The following SORL1 variants were observed in gnomAD, a reference collection of about 807,000 sequenced individuals.
The protein encoded by SORL1 is sortilin-related receptor.
In SORL1, 127 loss-of-function variants were observed where a neutral mutation model predicts 273.7. That is an observed-to-expected ratio of 0.46 (90% confidence interval 0.40 to 0.54). The LOEUF (loss-of-function observed/expected upper bound fraction) is 0.54, where lower values mean the gene tolerates loss of function less well. Ranked by LOEUF, SORL1 falls within the 20% of genes least tolerant of loss-of-function variation. The pLI, the probability that SORL1 is intolerant of heterozygous loss-of-function variation, is 0.00. For missense variants in SORL1, 2,494 were observed against 2,846.1 expected, an observed-to-expected ratio of 0.88 and a Z score of 2.81; for synonymous variants, 1,031 against 1,067.4, an observed-to-expected ratio of 0.97 and a Z score of 0.66.
At position 121,468,011 on chromosome 11, in the gene SORL1, G is replaced by A. The variant is rs145379214; in HGVS notation, c.286-1996G>A. Among the ~76,000 whole-genome samples, 1,481 of 152,322 alleles carry A rather than the reference G, an allele frequency of 9.7e-3. 7 individuals carry two copies. Among genetic ancestry groups the A allele is most frequent in the Non-Finnish European group, 0.017 (1,141 of 68,032 alleles). On this transcript the variant is annotated intron_variant, in intron 1 of 47. Transcript: ENST00000260197. ...CTCCAAGTAACGTCGTTAAGGATTA[G>A]CTGCTTTGTCCTTCTGCCAGCCAAA...
intron 14 of SORL1, among the ~76,000 whole-genome samples, chr11:121,548,741 A>AT (rs761398106): frequency 5.3e-5 from 8 of 151,850 alleles, no homozygotes; most frequent in Non-Finnish European, 1.2e-4. Context: ...TGATTTTTGT[A>AT]TTTTTAGTAG....
chr11:121,542,494 G>A (rs187825870), intron 12 of SORL1, among the ~76,000 whole-genome samples: 7 of 151,752 alleles, frequency 4.6e-5, no homozygotes, highest in East Asian at 1.9e-4. Flanking sequence ...AGCAGTTATC[G>A]TGTAGAATAT....
intron 26 of SORL1, among the ~76,000 whole-genome samples, chr11:121,584,265 TA>T (rs2134890087): frequency 6.6e-6 from 1 of 152,390 alleles, no homozygotes; most frequent in South Asian, 2.1e-4. Context: ...TCTCTACCAG[TA>T]AAACGTTGCA....
chr11:121,506,048 A>C (rs770337755), intron 6 of SORL1, among the ~76,000 whole-genome samples: 13 of 152,152 alleles, frequency 8.5e-5, no homozygotes, highest in African/African-American at 2.9e-4. Context: ...TCAACTGTTG[A>C]AATCTTTAAG....
chr11:121,611,288 TGAA>T, intron 39 of SORL1, 130 bp downstream of exon 39: 1 of 628,510 alleles, frequency 1.6e-6, no homozygotes, highest in Middle Eastern at 2.6e-4. Context: ...CTAGATCTAG[TGAA>T]GCTAAAATAC....
chr11:121,603,777 T>C (rs1449676326), intron 32 of SORL1, among the ~76,000 whole-genome samples: 6 of 152,338 alleles, frequency 3.9e-5, no homozygotes, highest in South Asian at 2.1e-4. Context: ...AATAGTACTA[T>C]AGAGTAATAG....
At chr11:121,592,431 T>G (rs1451973601) in intron 31 of SORL1, among the ~76,000 whole-genome samples, 1 of 152,254 alleles carries the variant, frequency 6.6e-6, no homozygotes, top group Admixed American at 6.5e-5. Flanking sequence ...CACAAAAGTT[T>G]GGGATTTCTG....
chr11:121,577,402 T>C lies in SORL1; in HGVS notation c.3580+2T>C, dbSNP rs1170109249. 1.3e-6 allele frequency: 2 copies of C among 1,596,068 alleles called. No individual in the cohort carries two copies. Among genetic ancestry groups the C allele is most frequent in the African/African-American group, 2.7e-5 (2 of 74,124 alleles). ...GGTCTGATGAAGCCAACTGTACCGGTCAGTACTTCCTGGACTCAGTTGACA... is the reference window on the plus strand; with the variant it reads ...GGTCTGATGAAGCCAACTGTACCGGCCAGTACTTCCTGGACTCAGTTGACA... On this transcript the variant is annotated splice_donor_variant, in intron 25 of 47. Coordinates refer to ENST00000260197, the MANE Select transcript of SORL1 (RefSeq NM_003105.6). LOFTEE classifies it high-confidence loss of function.
At chr11:121,502,927 C>T (rs546705002) in intron 6 of SORL1, among the ~76,000 whole-genome samples, 15 of 152,028 alleles carry the variant, frequency 9.9e-5, no homozygotes, top group East Asian at 5.8e-4. Context: ...TGGAGTACAG[C>T]GGAGCGATTG....
At position 121,627,532 on chromosome 11, in the gene SORL1, T is replaced by C. The variant is rs200317202; in HGVS notation, c.6365-23T>C. The C allele has an allele frequency of 1.2e-6, 2 of 1,607,712 alleles. No individual in the cohort carries two copies. The highest frequency in any genetic ancestry group is 1.7e-6 in the Non-Finnish European group (2 of 1,174,250). On this transcript the variant is annotated intron_variant, in intron 46 of 47. Coordinates refer to ENST00000260197, the MANE Select transcript of SORL1 (RefSeq NM_003105.6). This position sits in a 1 kb window ranked among gnomAD's most constrained non-coding sequence, Gnocchi z 4.9. ...TTCTCCTGCCCTCAGGTGGGCTTATTGGTGGGAACTTTGCCTTGGCAGGTG... is the reference window on the plus strand; with the variant it reads ...TTCTCCTGCCCTCAGGTGGGCTTATCGGTGGGAACTTTGCCTTGGCAGGTG...
chr11:121,482,750 C>T (rs1591558446), intron 3 of SORL1, among the ~76,000 whole-genome samples: 3 of 152,200 alleles, frequency 2.0e-5, no homozygotes, highest in East Asian at 3.8e-4. Context: ...TTGAAATGGT[C>T]GAAATGAATG....
chr11:121,531,824 T>C (rs1414418888), intron 11 of SORL1, among the ~76,000 whole-genome samples: 1 of 152,248 alleles, frequency 6.6e-6, no homozygotes, highest in Non-Finnish European at 1.5e-5. Flanking sequence ...ACACTTTACC[T>C]ACCCTATAGG....
intron 7 of SORL1, among the ~76,000 whole-genome samples, chr11:121,513,821 G>A (rs1337910780): frequency 2.6e-5 from 4 of 152,220 alleles, no homozygotes. Flanking sequence ...GCATTAACCC[G>A]TATTGTACTT....
intron 31 of SORL1, among the ~76,000 whole-genome samples, chr11:121,591,473 G>A (rs976640980): frequency 2.0e-5 from 3 of 152,204 alleles, no homozygotes; most frequent in African/African-American, 7.2e-5. Context: ...TGCCTTCTTA[G>A]TGGGAAAGTA....
chr11:121,516,950 G>T (rs2134850404), intron 8 of SORL1, among the ~76,000 whole-genome samples: 1 of 152,248 alleles, frequency 6.6e-6, no homozygotes, highest in South Asian at 2.1e-4. Context: ...TACTTGGGAG[G>T]CTGAGGCAGG....
At chr11:121,624,631 A>C (rs1284554029) in intron 45 of SORL1, among the ~76,000 whole-genome samples, 1 of 152,162 alleles carries the variant, frequency 6.6e-6, no homozygotes, top group Non-Finnish European at 1.5e-5. Context: ...CTGGGGACAA[A>C]TGTCTTGTCT....
At chr11:121,629,259 A>G in intron 47 of SORL1, 1 of 496,676 alleles carries the variant, frequency 2.0e-6, no homozygotes, top group Non-Finnish European at 3.6e-6. Context: ...TAATTTGGCT[A>G]CGTTCAAACG....
At chr11:121,505,628 C>A (rs1479821212) in intron 6 of SORL1, among the ~76,000 whole-genome samples, 1 of 152,066 alleles carries the variant, frequency 6.6e-6, no homozygotes, top group Non-Finnish European at 1.5e-5. Context: ...AGCTGCATTT[C>A]ATATGCTTAT....
chr11:121,514,917 A>C (rs1392966483), intron 8 of SORL1, among the ~76,000 whole-genome samples: 1 of 152,122 alleles, frequency 6.6e-6, no homozygotes, highest in Non-Finnish European at 1.5e-5. Context: ...ATTGGTTCTT[A>C]AGATCCGTTC....
Sources: gnomAD v4.1 joint callset for allele counts (sites outside exome capture counted in the v4.1 genomes callset) on GRCh38, gnomAD v4.1.1 for gene constraint, Gnocchi (gnomAD v3.1) non-coding constraint, MANE v1.5 for transcripts, NCBI Gene and HGNC (gene_info 2026-07-23, HGNC 2026-07-21) for gene names.